Variants in PALM2AKAP2 observed in about 807,000 individuals in gnomAD.
PALM2AKAP2 encodes PALM2-AKAP2 fusion protein.
In PALM2AKAP2, 37 loss-of-function variants were observed where a neutral mutation model predicts 71.5. The ratio of observed to expected loss-of-function variants is 0.52; its 90% CI spans 0.40 to 0.68. The LOEUF (loss-of-function observed/expected upper bound fraction) is 0.68, where lower values mean the gene tolerates loss of function less well. Among genes scored for constraint, PALM2AKAP2 ranks in the 30% least tolerant of loss-of-function variants. PALM2AKAP2 has a pLI of 0.00. For missense variants in PALM2AKAP2, 1,224 were observed against 1,191.8 expected, an observed-to-expected ratio of 1.03 and a Z score of -0.40; for synonymous variants, 468 against 478.8, an observed-to-expected ratio of 0.98 and a Z score of 0.29.
intron 1 of PALM2AKAP2, among the ~76,000 whole-genome samples, chr9:109,748,734 T>C (rs566556530): frequency 1.1e-3 from 164 of 152,250 alleles, no homozygotes; most frequent in African/African-American, 3.7e-3. Flanking sequence ...TACCAGAGAC[T>C]GGGTGGCTTA....
intron 1 of PALM2AKAP2, among the ~76,000 whole-genome samples, chr9:109,664,090 G>A (rs924628266): frequency 3.3e-5 from 5 of 152,092 alleles, no homozygotes; most frequent in Middle Eastern, 3.2e-3. Context: ...GTCTTTGCAC[G>A]TGAGATGGGT....
At chr9:109,804,260 GAT>G (rs1827516054) in intron 1 of PALM2AKAP2, among the ~76,000 whole-genome samples, 1 of 152,090 alleles carries the variant, frequency 6.6e-6, no homozygotes, top group Non-Finnish European at 1.5e-5. Context: ...GAGGAAATAA[GAT>G]AGTCAGCATG....
intron 1 of PALM2AKAP2, among the ~76,000 whole-genome samples, chr9:109,666,889 G>A (rs1475803078): frequency 1.3e-5 from 2 of 152,216 alleles, no homozygotes; most frequent in Non-Finnish European, 2.9e-5. Flanking sequence ...GTGTGTGCAG[G>A]CGACAGAAGC....
intron 3 of PALM2AKAP2, among the ~76,000 whole-genome samples, chr9:110,162,583 A>G (rs1223699134): frequency 6.6e-6 from 1 of 152,238 alleles, no homozygotes; most frequent in African/African-American, 2.4e-5. Flanking sequence ...TCCATTCTAT[A>G]GATTTAAGAT....
chr9:109,700,768 G>C (rs922323431), intron 1 of PALM2AKAP2, among the ~76,000 whole-genome samples: 1 of 152,104 alleles, frequency 6.6e-6, no homozygotes, highest in African/African-American at 2.4e-5. Flanking sequence ...GGAGCTCTTT[G>C]GATGCTTCAT....
intron 4 of PALM2AKAP2, among the ~76,000 whole-genome samples, chr9:109,924,463 G>A (rs565632567): frequency 4.9e-4 from 74 of 152,190 alleles, no homozygotes; most frequent in Non-Finnish European, 8.1e-4. Flanking sequence ...AGCCAGGTGC[G>A]GTGGCAGGCG....
At chr9:109,729,731 G>A (rs1828527221) in intron 1 of PALM2AKAP2, among the ~76,000 whole-genome samples, 1 of 152,170 alleles carries the variant, frequency 6.6e-6, no homozygotes, top group South Asian at 2.1e-4. Flanking sequence ...ATGGTTCCTA[G>A]GCTAGGGTTT....
chr9:109,931,858 G>GTC, intron 5 of PALM2AKAP2, 69 bp from the exon 6 acceptor site: 1 of 1,544,710 alleles, frequency 6.5e-7, no homozygotes, highest in Non-Finnish European at 8.9e-7. Context: ...ACAAGCTGCT[G>GTC]TCTCGGCAGT....
At chr9:110,074,653 G>A (rs142239815) in intron 1 of PALM2AKAP2, among the ~76,000 whole-genome samples, 17 of 152,162 alleles carry the variant, frequency 1.1e-4, no homozygotes, top group African/African-American at 3.1e-4. Context: ...ACACACACAC[G>A]CACATACACA....
chr9:110,096,957 T>TTTATTTATTTA (rs1554751295), intron 1 of PALM2AKAP2, among the ~76,000 whole-genome samples: 273 of 141,382 alleles, frequency 1.9e-3, no homozygotes, highest in African/African-American at 7.6e-3. Context: ...TATTTATTTA[T>TTTATTTATTTA]TTATTATTTT....
At chr9:110,017,155 A>G (rs1832997561) in intron 7 of PALM2AKAP2, among the ~76,000 whole-genome samples, 1 of 152,262 alleles carries the variant, frequency 6.6e-6, no homozygotes, top group Non-Finnish European at 1.5e-5. Context: ...CTGGGATTAC[A>G]GGCATGAGCC....
chr9:109,928,258 G>A (rs1176060629), intron 5 of PALM2AKAP2, among the ~76,000 whole-genome samples: 5 of 152,128 alleles, frequency 3.3e-5, no homozygotes, highest in South Asian at 2.1e-4. Context: ...ATCAGCCACC[G>A]CATCCAGCCT....
intron 1 of PALM2AKAP2, among the ~76,000 whole-genome samples, chr9:109,759,875 G>T (rs1829023805): frequency 6.6e-6 from 1 of 152,128 alleles, no homozygotes; most frequent in African/African-American, 2.4e-5. Flanking sequence ...CCAAGGCAAA[G>T]TATTCTTTTT....
intron 3 of PALM2AKAP2, 120 bp downstream of exon 9, chr9:110,156,617 A>G: frequency 7.7e-7 from 1 of 1,306,362 alleles, no homozygotes; most frequent in East Asian, 2.9e-5. Context: ...GGGTTCCAGT[A>G]TCAGTTTTCA....
intron 1 of PALM2AKAP2, among the ~76,000 whole-genome samples, chr9:109,726,787 G>A (rs939827505): frequency 6.6e-6 from 1 of 152,128 alleles, no homozygotes; most frequent in Non-Finnish European, 1.5e-5. Flanking sequence ...TAGCTACTAG[G>A]CATGCATGGC....
chr9:110,111,212 C>T (rs546166168), intron 1 of PALM2AKAP2, among the ~76,000 whole-genome samples: 1 of 150,734 alleles, frequency 6.6e-6, no homozygotes, highest in Admixed American at 6.6e-5. Context: ...TGACCTCAGC[C>T]TCGTGAATAG....
At chr9:109,686,545 G>T (rs373384771) in intron 1 of PALM2AKAP2, among the ~76,000 whole-genome samples, 3 of 152,158 alleles carry the variant, frequency 2.0e-5, no homozygotes, top group African/African-American at 7.2e-5. Flanking sequence ...TCTTAAAAAT[G>T]GGCTTAAAAT....
chr9:109,710,283 C>G (rs768653784), intron 1 of PALM2AKAP2, among the ~76,000 whole-genome samples: 1 of 152,204 alleles, frequency 6.6e-6, no homozygotes, highest in South Asian at 2.1e-4. Context: ...ATGCACAGCC[C>G]CAGAAGGAGA....
At chr9:110,022,268 G>A (rs1833086044) in intron 7 of PALM2AKAP2, among the ~76,000 whole-genome samples, 1 of 152,120 alleles carries the variant, frequency 6.6e-6, no homozygotes, top group Non-Finnish European at 1.5e-5. Flanking sequence ...GCACGGTGGT[G>A]GGAAGATTGC....
Sources: allele counts gnomAD v4.1 joint callset (sites outside exome capture counted in the v4.1 genomes callset), GRCh38; gene constraint gnomAD v4.1.1; transcripts MANE v1.5; gene names NCBI Gene and HGNC (gene_info 2026-07-23, HGNC 2026-07-21).